The following SH3RF2 variants were observed in gnomAD, a reference collection of about 807,000 sequenced individuals.
SH3RF2 encodes SH3 domain containing ring finger 2.
SH3RF2 carries 43 observed loss-of-function variants against 59.0 expected under a neutral mutation model. The observed-to-expected ratio is 0.73, with a 90% CI of 0.57 to 0.94. The LOEUF (loss-of-function observed/expected upper bound fraction) is 0.94. SH3RF2 is among the 40% of genes least tolerant of loss of function. SH3RF2 has a pLI of 0.00. For missense variants in SH3RF2, 930 were observed against 940.1 expected, an observed-to-expected ratio of 0.99 and a Z score of 0.14; for synonymous variants, 391 against 391.5, an observed-to-expected ratio of 1.00 and a Z score of 0.01.
chr5:145,956,385 C>G (rs1333236356), intron 2 of SH3RF2, among the ~76,000 whole-genome samples: 2 of 152,206 alleles, frequency 1.3e-5, no homozygotes, highest in Non-Finnish European at 2.9e-5. Context: ...AAGCAATTCT[C>G]CTGCCTCAGG....
chr5:146,064,293 G>T (rs781249532), downstream of SH3RF2, among the ~76,000 whole-genome samples: 2 of 151,942 alleles, frequency 1.3e-5, no homozygotes, highest in African/African-American at 2.4e-5. Context: ...AGGAAAGAAG[G>T]ACAGAGCCTG....
chr5:146,022,874 AAC>A (rs57377156), intron 5 of SH3RF2, among the ~76,000 whole-genome samples: 3,777 of 141,878 alleles, frequency 0.027, 170 homozygotes, highest in African/African-American at 0.095. Flanking sequence ...GCTCCATCTA[AAC>A]ACACACACAC....
At chr5:145,944,111 A>G (rs1360170691) in intron 2 of SH3RF2, among the ~76,000 whole-genome samples, 3 of 152,156 alleles carry the variant, frequency 2.0e-5, no homozygotes, top group Admixed American at 1.3e-4. Context: ...TGAAAATCTG[A>G]CATCCAAAAT....
intron 2 of SH3RF2, chr5:145,998,037 T>C (rs1760240033): frequency 4.8e-6 from 3 of 623,882 alleles, no homozygotes; most frequent in Admixed American, 6.0e-5. Context: ...AGAGACTACA[T>C]AGAAAACTAC....
Position 146,010,139 on chromosome 5 carries a change from G to T in SH3RF2, c.745-3608G>T, listed in dbSNP as rs1417227483. Among the ~76,000 whole-genome samples, 15 of 150,918 alleles carry T rather than the reference G, an allele frequency of 9.9e-5. 3 individuals carry two copies. Among genetic ancestry groups the T allele is most frequent in the African/African-American group, 3.6e-4 (15 of 41,104 alleles). ...TGAGAACATGCGGTGTTTGGTTTTT[G>T]GTCCTTGCGATAGTTTGCTGAGAAT... On this transcript the variant is annotated intron_variant, in intron 4 of 9. Coordinates refer to ENST00000359120, the MANE Select transcript of SH3RF2 (RefSeq NM_152550.4).
intron 7 of SH3RF2, among the ~76,000 whole-genome samples, chr5:146,055,546 T>C (rs113891875): frequency 1.7e-4 from 26 of 152,358 alleles, no homozygotes; most frequent in African/African-American, 6.3e-4. Flanking sequence ...ATAAGTCATA[T>C]GAAATCTCTG....
intron 5 of SH3RF2, among the ~76,000 whole-genome samples, chr5:146,016,609 G>A (rs248783): frequency 0.61 from 92,116 of 151,958 alleles, 28,307 homozygotes; most frequent in Middle Eastern, 0.79. Flanking sequence ...AGCCAAGTTC[G>A]TGTAATTTAG....
chr5:146,068,265 G>A (rs530495330), downstream of SH3RF2, among the ~76,000 whole-genome samples: 24 of 152,238 alleles, frequency 1.6e-4, no homozygotes, highest in African/African-American at 4.6e-4. Flanking sequence ...TCTCACCCAC[G>A]TCTGACCACA....
chr5:146,039,872 T>C lies in SH3RF2; in HGVS notation c.1060-7900T>C, dbSNP rs367975443. 8.5e-5 allele frequency among the ~76,000 whole-genome samples: 13 copies of C among 152,310 alleles called. No homozygotes were observed. The East Asian group carries it at 1.9e-3, about 23-fold the overall frequency. ...CCCAAATGACACATAACTGACAGAA[T>C]GGTTAAATGGTGGTATAGACACAGA... On this transcript the variant is annotated intron_variant, in intron 5 of 9. Coordinates refer to ENST00000359120, the MANE Select transcript of SH3RF2 (RefSeq NM_152550.4).
intron 2 of SH3RF2, among the ~76,000 whole-genome samples, chr5:145,962,071 T>C (rs1406260628): frequency 6.6e-6 from 1 of 152,148 alleles, no homozygotes; most frequent in Non-Finnish European, 1.5e-5. Context: ...ATTATGGGTG[T>C]TTTTCATGAC....
chr5:146,056,287 C>A (rs1762670129), intron 8 of SH3RF2, 74 bp downstream of exon 8: 4 of 1,595,348 alleles, frequency 2.5e-6, no homozygotes, highest in Admixed American at 1.8e-5. Context: ...ACACAGGATG[C>A]TTTTTGCAAA....
chr5:146,029,812 A>G (rs1171827381), intron 5 of SH3RF2, among the ~76,000 whole-genome samples: 1 of 152,220 alleles, frequency 6.6e-6, no homozygotes, highest in African/African-American at 2.4e-5. Flanking sequence ...AAGAAAGATA[A>G]AGAGAAAACT....
chr5:146,004,174 C>T, intron 4 of SH3RF2, 21 bp downstream of exon 4: 1 of 1,590,608 alleles, frequency 6.3e-7, no homozygotes, highest in Non-Finnish European at 8.6e-7. Context: ...ATCAAGTCTA[C>T]ATCTGATTTA....
At chr5:145,990,519 C>G (rs1025052533) in intron 2 of SH3RF2, among the ~76,000 whole-genome samples, 2 of 152,122 alleles carry the variant, frequency 1.3e-5, no homozygotes, top group Non-Finnish European at 2.9e-5. Context: ...ACCTGCCTAT[C>G]AGAAGGTAAG....
chr5:146,014,683 C>T (rs565275045), intron 5 of SH3RF2, among the ~76,000 whole-genome samples: 4 of 152,252 alleles, frequency 2.6e-5, no homozygotes, highest in South Asian at 4.1e-4. Flanking sequence ...AAGGCACAAA[C>T]CGGTGAAGCC....
At position 145,939,059 on chromosome 5, in the gene SH3RF2, G is replaced by A. The variant is rs112644705; in HGVS notation, c.378+753G>A. On this transcript the variant is annotated intron_variant, in intron 2 of 9. Coordinates refer to ENST00000359120, the MANE Select transcript of SH3RF2 (RefSeq NM_152550.4). ...TTTTCATGTTTGGATAATGGGAATC[G>A]CTCTGTCCAGCGCTGAAAGCACACC... Among the ~76,000 whole-genome samples, 1,067 of 152,310 alleles carry A rather than the reference G, an allele frequency of 7.0e-3. 5 individuals carry two copies. Among genetic ancestry groups the A allele is most frequent in the Admixed American group, 0.013 (195 of 15,304 alleles).
chr5:145,962,197 C>T, intron 2 of SH3RF2, among the ~76,000 whole-genome samples: 1 of 152,080 alleles, frequency 6.6e-6, no homozygotes. Context: ...GTCATGTGGC[C>T]ACCCCTAAAG....
In SH3RF2 at chr5:146,056,206, G is replaced by A. The variant is rs1428921925; in HGVS notation, c.1548G>A (p.Met516Ile). 6.2e-7 allele frequency: 1 copy of A among 1,614,238 alleles called. No homozygotes were observed. Among genetic ancestry groups the A allele is most frequent in the African/African-American group, 1.3e-5 (1 of 75,062 alleles). ...CTCTTCGGAAAGGGCGGAGCAGCATGAGAAAGAGTAAGTGGTGGCAGAGAG... is the reference window on the plus strand; with the variant it reads ...CTCTTCGGAAAGGGCGGAGCAGCATAAGAAAGAGTAAGTGGTGGCAGAGAG... ...QGSLRKGRSS[M>I]RKNGSLQRPL... The change falls in exon 8 of 10, where the codon ATG becomes ATA. Residue 516 changes from methionine (M) to isoleucine (I), a missense_variant. Transcript: ENST00000359120.
intron 4 of SH3RF2, among the ~76,000 whole-genome samples, chr5:146,004,691 A>T (rs1271038700): frequency 1.5e-5 from 2 of 129,980 alleles, no homozygotes; most frequent in East Asian, 4.8e-4. Context: ...TAATATGGAG[A>T]ATAATATTTA....
Sources: gnomAD v4.1 joint callset for allele counts (sites outside exome capture counted in the v4.1 genomes callset) on GRCh38, gnomAD v4.1.1 for gene constraint, MANE v1.5 for transcripts, NCBI Gene and HGNC (gene_info 2026-07-23, HGNC 2026-07-21) for gene names.